STRBP: variants seen among roughly 807,000 people sequenced by gnomAD.
STRBP encodes spermatid perinuclear RNA binding protein.
STRBP carries 13 observed loss-of-function variants against 80.1 expected under a neutral mutation model. That is an observed-to-expected ratio of 0.16 (90% CI 0.11 to 0.26). The LOEUF is 0.26. Among genes scored for constraint, STRBP ranks in the 10% least tolerant of loss-of-function variants. The pLI is 1.00. For missense variants in STRBP, 485 were observed against 815.2 expected (o/e 0.59, Z 4.93); for synonymous variants, 284 against 291.2 (o/e 0.98, Z 0.25).
At chr9:123,223,852 G>T (rs972133163) in intron 2 of STRBP, among the ~76,000 whole-genome samples, 2 of 151,954 alleles carry the variant, frequency 1.3e-5, no homozygotes, top group African/African-American at 4.8e-5. Context: ...ATTTCTTTGC[G>T]GGATAAGCTC....
chr9:123,230,353 T>C (rs1423168394), intron 2 of STRBP, among the ~76,000 whole-genome samples: 1 of 152,254 alleles, frequency 6.6e-6, no homozygotes, highest in East Asian at 1.9e-4. Flanking sequence ...AATTGTCATT[T>C]ACACAGCCTT....
chr9:123,226,178 G>C (rs1435482643), intron 2 of STRBP, among the ~76,000 whole-genome samples: 1 of 152,156 alleles, frequency 6.6e-6, no homozygotes, highest in East Asian at 1.9e-4. Context: ...GACTAAAAAT[G>C]AGTCACACTT....
At chr9:123,211,412 T>A (rs1361396860) in intron 2 of STRBP, among the ~76,000 whole-genome samples, 1 of 152,164 alleles carries the variant, frequency 6.6e-6, no homozygotes, top group East Asian at 1.9e-4. Flanking sequence ...AGGTTTGAAT[T>A]CTGTCGAGGA....
At chr9:123,192,517 T>C (rs1036828985) in intron 2 of STRBP, among the ~76,000 whole-genome samples, 3 of 152,144 alleles carry the variant, frequency 2.0e-5, no homozygotes, top group Non-Finnish European at 1.5e-5. Flanking sequence ...GGAGGATCAT[T>C]TGAGCTCAGG....
At chr9:123,139,431 G>C (rs1482328369) in intron 14 of STRBP, 98 bp downstream of exon 14, 1 of 970,584 alleles carries the variant, frequency 1.0e-6, no homozygotes. Context: ...GTACAGGTTT[G>C]CATATGCTTT....
At chr9:123,206,826 C>T (rs144929992) in intron 2 of STRBP, among the ~76,000 whole-genome samples, 10 of 152,098 alleles carry the variant, frequency 6.6e-5, no homozygotes, top group East Asian at 3.9e-4. Flanking sequence ...TTAGTAGAGA[C>T]GGGGTTTCGC....
intron 12 of STRBP, 46 bp downstream of exon 12, chr9:123,147,732 C>G (rs776865844): frequency 1.0e-4 from 107 of 1,069,706 alleles, no homozygotes; most frequent in Non-Finnish European, 1.3e-4. Flanking sequence ...TCTGAAGCTA[C>G]AAGTCCTCTC....
rs184423812 is a variant in STRBP, at chr9:123,110,807, C to T, written c.*85-1054G>A. The T allele has an allele frequency of 5.9e-6, 1 of 169,372 alleles. No individual in the cohort carries two copies. Among genetic ancestry groups the T allele is most frequent in the Admixed American group, 6.5e-5 (1 of 15,304 alleles). The allele number at this position is 169,372 out of a possible 1,614,324, so 10.5% of individuals were successfully genotyped here. On this transcript the variant is annotated intron_variant and NMD_transcript_variant, in intron 3 of 3. Transcript: ENST00000471564. The surrounding 1 kb of genome is among the most constrained non-coding windows in gnomAD (Gnocchi z 4.1). ...AACATTTCTAAAAATGAGCCCTCCT[C>T]CCTCGGAAAGGTAGTAAGTAGTAGC...
At chr9:123,212,943 C>G (rs972821126) in intron 2 of STRBP, among the ~76,000 whole-genome samples, 2 of 152,116 alleles carry the variant, frequency 1.3e-5, no homozygotes, top group Admixed American at 1.3e-4. Context: ...AGATTAAGTG[C>G]AAATTCAGGT....
intron 5 of STRBP, 151 bp downstream of exon 5, chr9:123,173,526 T>A: frequency 1.4e-6 from 1 of 731,330 alleles, no homozygotes. Context: ...TTAACTGTGA[T>A]GAATTAGTCA....
chr9:123,196,956 T>C (rs1236353149), intron 2 of STRBP, among the ~76,000 whole-genome samples: 1 of 152,132 alleles, frequency 6.6e-6, no homozygotes, highest in African/African-American at 2.4e-5. Flanking sequence ...TGCAGCACTA[T>C]TAACAATAGC....
intron 2 of STRBP, among the ~76,000 whole-genome samples, chr9:123,204,379 C>G (rs938773890): frequency 2.6e-5 from 4 of 152,190 alleles, no homozygotes; most frequent in African/African-American, 9.7e-5. Flanking sequence ...TCTCCACAAA[C>G]AAATCAAAGA....
At chr9:123,251,278 C>T (rs879704538) in intron 1 of STRBP, among the ~76,000 whole-genome samples, 1 of 152,044 alleles carries the variant, frequency 6.6e-6, no homozygotes, top group South Asian at 2.1e-4. Context: ...TACAAGAGAA[C>T]GGACGGCACT....
At chr9:123,166,021 T>C (rs1490518764) in intron 6 of STRBP, among the ~76,000 whole-genome samples, 1 of 152,226 alleles carries the variant, frequency 6.6e-6, no homozygotes. Context: ...ACTATGTTAA[T>C]TCACTTAACA....
rs188330167 is a variant in STRBP, at chr9:123,251,060, C to T, written c.-301-14094G>A. 5.7e-3 allele frequency among the ~76,000 whole-genome samples: 874 copies of T among 152,166 alleles called. 8 individuals are homozygous for T. The highest frequency in any genetic ancestry group is 0.024 in the Middle Eastern group (7 of 294). ...GCAGACCACTTGAACTCTAGGAGTT[C>T]GAGGCTGCAGTGAGCCATGATCGTA... On this transcript the variant is annotated intron_variant, in intron 1 of 18. Transcript: ENST00000348403.
chr9:123,118,367 A>G (rs2035679516), downstream of STRBP, among the ~76,000 whole-genome samples: 1 of 152,236 alleles, frequency 6.6e-6, no homozygotes, highest in South Asian at 2.1e-4. Flanking sequence ...AGACACCTGC[A>G]TGCAGACACC....
At chr9:123,198,302 A>T (rs2039180428) in intron 2 of STRBP, among the ~76,000 whole-genome samples, 1 of 151,550 alleles carries the variant, frequency 6.6e-6, no homozygotes, top group Non-Finnish European at 1.5e-5. Flanking sequence ...TGCCAGGCTA[A>T]TTTTTTTTGT....
Position 123,204,792 on chromosome 9 carries a change from C to T in STRBP, c.-164-20494G>A, listed in dbSNP as rs577363832. Among the ~76,000 whole-genome samples, 12 of 151,480 alleles carry T rather than the reference C, an allele frequency of 7.9e-5. No individual in the cohort carries two copies. The South Asian group carries it at 8.4e-4, about 11-fold the overall frequency. ...AAAAAAAATTAGCCAGGCATGGTGGCGGATGCCTGTAGTCCCAGCTACTCG... is the reference window on the plus strand; with the variant it reads ...AAAAAAAATTAGCCAGGCATGGTGGTGGATGCCTGTAGTCCCAGCTACTCG... On this transcript the variant is annotated intron_variant, in intron 2 of 18. Transcript: ENST00000348403.
At chr9:123,223,401 G>T (rs1260191320) in intron 2 of STRBP, among the ~76,000 whole-genome samples, 1 of 151,992 alleles carries the variant, frequency 6.6e-6, no homozygotes, top group African/African-American at 2.4e-5. Flanking sequence ...TTTAGCAAAC[G>T]TGCCAACAGT....
Sources: gnomAD v4.1 joint callset for allele counts (sites outside exome capture counted in the v4.1 genomes callset) on GRCh38, gnomAD v4.1.1 for gene constraint, Gnocchi (gnomAD v3.1) non-coding constraint, MANE v1.5 for transcripts, NCBI Gene and HGNC (gene_info 2026-07-23, HGNC 2026-07-21) for gene names.